CRLF1: variants seen among roughly 807,000 people sequenced by gnomAD.
CRLF1 encodes the protein cytokine receptor like factor 1.
A neutral mutation model predicts 48.9 loss-of-function variants in CRLF1; 36 were observed. That is an observed-to-expected ratio of 0.74 (90% confidence interval 0.56 to 0.97). The LOEUF is 0.97. CRLF1 is among the 50% of genes least tolerant of loss of function. The pLI, the probability that CRLF1 is intolerant of heterozygous loss-of-function variation, is 0.00. For missense variants in CRLF1, 534 were observed against 575.1 expected (o/e 0.93, Z 0.73); for synonymous variants, 256 against 253.4 (o/e 1.01, Z -0.10).
chr19:18,599,944 C>T (rs1342417939), intron 1 of CRLF1, 98 bp from the exon 2 acceptor site: 35 of 1,255,610 alleles, frequency 2.8e-5, no homozygotes, highest in South Asian at 1.8e-4. Context: ...CCTGAAAAGA[C>T]GCTGTTAATG....
At chr19:18,601,041 A>G (rs1976214575) in intron 1 of CRLF1, among the ~76,000 whole-genome samples, 1 of 151,870 alleles carries the variant, frequency 6.6e-6, no homozygotes, top group Non-Finnish European at 1.5e-5. Context: ...CCTGGCCTCA[A>G]GCGATCCTCC....
intron 1 of CRLF1, among the ~76,000 whole-genome samples, chr19:18,601,431 C>T (rs991058604): frequency 2.6e-5 from 4 of 152,114 alleles, no homozygotes; most frequent in East Asian, 1.9e-4. Context: ...CACACATCAC[C>T]GTGCCCGGCT....
rs1976304372 is a variant in CRLF1, at chr19:18,606,772, G to A, written c.-116C>T. The A allele has an allele frequency of 1.4e-5, 2 of 146,240 alleles. No individual in the cohort carries two copies. Among genetic ancestry groups the A allele is most frequent in the African/African-American group, 4.9e-5 (2 of 40,614 alleles). The allele number at this position is 146,240 out of a possible 1,614,324, so 9.1% of individuals were successfully genotyped here. On this transcript the variant is annotated 5_prime_UTR_variant, in exon 1 of 9. Transcript: ENST00000392386. This position sits in a 1 kb window ranked among gnomAD's most constrained non-coding sequence, Gnocchi z 4.8. ...GGCCAGGCCGCCCGCACGTCGCTGGGCGCGGACGCGGAGGCCGGAGCAAGT... is the reference window on the plus strand; with the variant it reads ...GGCCAGGCCGCCCGCACGTCGCTGGACGCGGACGCGGAGGCCGGAGCAAGT...
chr19:18,599,841 CTG>C lies in CRLF1; in HGVS notation c.119_120del (p.Thr40SerfsTer46). 1 of 1,531,664 alleles carries C rather than the reference CTG, an allele frequency of 6.5e-7. No individual in the cohort carries two copies. The highest frequency in any genetic ancestry group is 8.8e-7 in the Non-Finnish European group (1 of 1,137,186). The allele number at this position is 1,531,664 out of a possible 1,614,324, so 94.9% of individuals were successfully genotyped here. A position where few individuals can be genotyped will look rare whatever the true frequency, so the allele number is the denominator to read the frequency against. On this transcript the variant is annotated frameshift_variant, in exon 2 of 9. Transcript: ENST00000392386. LOFTEE classifies it high-confidence loss of function. ...GAPRAGSGAH[T>X]AVISPQDPTL... ...GTGGGATCCTGGGGACTGATCACAG[CTG>C]TGTCTGGGGTCAAAGAGGAACACGT...
chr19:18,599,153 T>A, intron 2 of CRLF1: 2 of 972,448 alleles, frequency 2.1e-6, no homozygotes, highest in Non-Finnish European at 1.2e-6. Flanking sequence ...TCCCCCAGGC[T>A]GGAGTGCAAT....
At position 18,606,582 on chromosome 19, in the gene CRLF1, C is replaced by A; in HGVS notation, c.75G>T (p.Leu25=). 1.4e-6 allele frequency: 1 copy of A among 708,204 alleles called. No individual in the cohort carries two copies. Among genetic ancestry groups the A allele is most frequent in the Non-Finnish European group, 1.7e-6 (1 of 584,392 alleles). 43.9% of individuals were successfully genotyped at this position (708,204 alleles called of 1,614,324 possible). A position where few individuals can be genotyped will look rare whatever the true frequency, so the allele number is the denominator to read the frequency against. The change falls in exon 1 of 9, where the codon CTG becomes CTT. Residue 25 remains leucine, a synonymous_variant. Transcript: ENST00000392386. This position sits in a 1 kb window ranked among gnomAD's most constrained non-coding sequence, Gnocchi z 4.8. The stretch of plus-strand genomic sequence containing the variant: ...CTCGCGGCGCCCCGAGGACGCAGAG[C>A]AGCAGCAGCAGGGGCAGCAACGGCG... ...RPPPLLPLLL[L]LCVLGAPRAG...
At chr19:18,604,162 G>T (rs1034224420) in intron 1 of CRLF1, among the ~76,000 whole-genome samples, 68 of 152,112 alleles carry the variant, frequency 4.5e-4, no homozygotes, top group Non-Finnish European at 8.2e-4. Flanking sequence ...GGGCTCTCTG[G>T]GGGGTCCTGG....
Position 18,593,490 on chromosome 19 carries a change from GT to G in CRLF1, c.*75del. 1 of 1,591,620 alleles carries G rather than the reference GT, an allele frequency of 6.3e-7. No individual in the cohort carries two copies. Among genetic ancestry groups the G allele is most frequent in the Non-Finnish European group, 8.6e-7 (1 of 1,168,520 alleles). On this transcript the variant is annotated 3_prime_UTR_variant, in exon 9 of 9. Transcript: ENST00000392386. Reference sequence around the variant, plus strand: ...GTGGCTCAGGTGCCCTGAAGTGAGGGTACAGAGGTGGCCCCAGTTTGGGTTC... The same window carrying G: ...GTGGCTCAGGTGCCCTGAAGTGAGGGACAGAGGTGGCCCCAGTTTGGGTTC...
intron 6 of CRLF1, 101 bp downstream of exon 6, chr19:18,596,521 G>T (rs975149305): frequency 1.4e-6 from 2 of 1,394,080 alleles, no homozygotes; most frequent in African/African-American, 1.5e-5. Flanking sequence ...GAATGAGGCC[G>T]TGTCTCAAAA....
intron 8 of CRLF1, 33 bp downstream of exon 8, chr19:18,594,032 T>TTGGGCACCC: frequency 1.4e-6 from 1 of 695,812 alleles, no homozygotes; most frequent in East Asian, 4.7e-5. Context: ...CTCCCCTTGC[T>TTGGGCACCC]CCCTCCCGCC....
chr19:18,604,094 T>G (rs1976256668), intron 1 of CRLF1, among the ~76,000 whole-genome samples: 1 of 152,148 alleles, frequency 6.6e-6, no homozygotes, highest in African/African-American at 2.4e-5. Context: ...TCAGCCCTTC[T>G]AGAGTGGGTC....
At chr19:18,597,258 T>G (rs563798848) in intron 4 of CRLF1, among the ~76,000 whole-genome samples, 46 of 152,218 alleles carry the variant, frequency 3.0e-4, no homozygotes, top group African/African-American at 1.1e-3. Context: ...TTATCACCAT[T>G]ATTATCTGTG....
rs1323982801 is a variant in CRLF1, at chr19:18,597,054, G to C, written c.698-5C>G. ...CGGGCGGGGGGTCCGTGGTCACTGC[G>C]GGGCAGAGGAGGGACCCTCTCAGCC... On this transcript the variant is annotated splice_polypyrimidine_tract_variant and splice_region_variant and intron_variant, in intron 4 of 8. Coordinates refer to ENST00000392386, the MANE Select transcript of CRLF1 (RefSeq NM_004750.5). 1.2e-6 allele frequency: 2 copies of C among 1,611,716 alleles called. No homozygotes were observed. Among genetic ancestry groups the C allele is most frequent in the Non-Finnish European group, 8.5e-7 (1 of 1,178,948 alleles).
intron 4 of CRLF1, among the ~76,000 whole-genome samples, chr19:18,597,470 C>T (rs1976156206): frequency 8.8e-6 from 1 of 113,462 alleles, no homozygotes; most frequent in South Asian, 2.7e-4. Flanking sequence ...CGCTCTGTCG[C>T]CCAGGCTGGA....
chr19:18,600,270 C>T (rs1976203297), intron 1 of CRLF1, among the ~76,000 whole-genome samples: 2 of 152,272 alleles, frequency 1.3e-5, no homozygotes, highest in Middle Eastern at 3.4e-3. Flanking sequence ...ACGATCTCGG[C>T]TCACTGCAAC....
intron 6 of CRLF1, among the ~76,000 whole-genome samples, chr19:18,595,554 A>C (rs1454421877): frequency 6.6e-6 from 1 of 152,230 alleles, no homozygotes; most frequent in Non-Finnish European, 1.5e-5. Flanking sequence ...CCTCCCTTGC[A>C]GTGAAACCCT....
chr19:18,605,142 GC>G (rs368248941), intron 1 of CRLF1, among the ~76,000 whole-genome samples: 23 of 149,930 alleles, frequency 1.5e-4, no homozygotes, highest in Non-Finnish European at 2.8e-4. Context: ...CACTTACAGT[GC>G]CCCCCCACCC....
intron 8 of CRLF1, 136 bp downstream of exon 8, chr19:18,593,929 A>G (rs1218644841): frequency 3.4e-6 from 5 of 1,476,012 alleles, no homozygotes; most frequent in Non-Finnish European, 4.5e-6. Flanking sequence ...GATGAATAAC[A>G]AAGGAAGAGG....
intron 4 of CRLF1, among the ~76,000 whole-genome samples, 199 bp downstream of exon 4, chr19:18,598,233 G>A (rs2145331181): frequency 6.6e-6 from 1 of 152,304 alleles, no homozygotes; most frequent in East Asian, 1.9e-4. Flanking sequence ...GGCTGTTTCT[G>A]GGGGCTGCGG....
Sources: allele counts gnomAD v4.1 joint callset (sites outside exome capture counted in the v4.1 genomes callset), GRCh38; gene constraint gnomAD v4.1.1; non-coding constraint Gnocchi (gnomAD v3.1); transcripts MANE v1.5; gene names NCBI Gene and HGNC (gene_info 2026-07-23, HGNC 2026-07-21).